Variants in TMPRSS9 observed in about 807,000 individuals in gnomAD.
TMPRSS9 encodes transmembrane serine protease 9.
Under a neutral mutation model 111.4 loss-of-function variants are expected in TMPRSS9, and 113 were observed. The observed-to-expected ratio is 1.01, with a 90% CI of 0.87 to 1.19. The LOEUF is 1.19. Among genes scored for constraint, TMPRSS9 ranks in the 50% most tolerant of loss-of-function variants. TMPRSS9 has a pLI of 0.00. For synonymous variants in TMPRSS9, 805 were observed against 659.1 expected, an observed-to-expected ratio of 1.22 and a Z score of -3.39; for missense variants, 1,803 against 1,513.1, an observed-to-expected ratio of 1.19 and a Z score of -3.18.
chr19:2,396,289 T>A, intron 1 of TMPRSS9: 1 of 434,998 alleles, frequency 2.3e-6, no homozygotes, highest in Non-Finnish European at 4.1e-6. Flanking sequence ...CACCTTGTGC[T>A]GTACCTGGGG....
chr19:2,407,570 T>C (rs887571063), intron 7 of TMPRSS9, among the ~76,000 whole-genome samples: 1 of 148,948 alleles, frequency 6.7e-6, no homozygotes, highest in South Asian at 2.1e-4. Flanking sequence ...TCATGCATCA[T>C]GCATTCTCCT....
intron 1 of TMPRSS9, among the ~76,000 whole-genome samples, chr19:2,364,641 C>T (rs538197203): frequency 2.4e-4 from 36 of 152,168 alleles, no homozygotes; most frequent in Non-Finnish European, 4.6e-4. Context: ...CCCCGCACAC[C>T]CACCTTCCAC....
At position 2,397,765 on chromosome 19, in the gene TMPRSS9, C is replaced by G. The variant is rs542252051; in HGVS notation, c.271-1030C>G. Among the ~76,000 whole-genome samples the G allele has an allele frequency of 2.0e-3, 301 of 151,536 alleles. 1 individual carries two copies. The highest frequency in any genetic ancestry group is 6.9e-3 in the African/African-American group (286 of 41,392). On this transcript the variant is annotated intron_variant, in intron 2 of 17. Transcript: ENST00000648592. ...CAAAATCCCACCATTAGTAAAAACACAAAAATTAGCGGGGCGTGGTGGTGT... is the reference window on the plus strand; with the variant it reads ...CAAAATCCCACCATTAGTAAAAACAGAAAAATTAGCGGGGCGTGGTGGTGT...
At chr19:2,418,195 C>T (rs1035144922) in intron 13 of TMPRSS9, 57 bp downstream of exon 14, 1 of 1,602,790 alleles carries the variant, frequency 6.2e-7, no homozygotes, top group African/African-American at 1.4e-5. Context: ...CACAGCCGTT[C>T]ACCCAGCAGT....
At chr19:2,384,930 T>C (rs113960652), upstream of TMPRSS9, among the ~76,000 whole-genome samples, 11,353 of 141,910 alleles carry the variant, frequency 0.08, 668 homozygotes, top group Non-Finnish European at 0.12. Flanking sequence ...TGCAGTGAGC[T>C]GAGATCATGC....
chr19:2,421,749 C>G lies in TMPRSS9; in HGVS notation c.2155-105C>G, dbSNP rs73918165. The G allele has an allele frequency of 0.012, 15,827 of 1,327,426 alleles. 1,518 individuals carry two copies. The African/African-American group carries it at 0.2, about 17-fold the overall frequency. The allele number at this position is 1,327,426 out of a possible 1,614,324, so 82.2% of individuals were successfully genotyped here. A position where few individuals can be genotyped will look rare whatever the true frequency, so the allele number is the denominator to read the frequency against. On this transcript the variant is annotated intron_variant, in intron 13 of 17. Transcript: ENST00000648592. The stretch of plus-strand genomic sequence containing the variant: ...GACCCGCGCTGTGCCCTCTGCCCCC[C>G]GCCCTCGATGGCTCCCACCCACTGT...
chr19:2,375,561 A>C (rs1461190718), intron 1 of TMPRSS9, among the ~76,000 whole-genome samples: 1 of 151,356 alleles, frequency 6.6e-6, no homozygotes, highest in Non-Finnish European at 1.5e-5. Context: ...AGGGGTGGGA[A>C]CTGTGATTGG....
chr19:2,379,103 C>G lies in TMPRSS9; in HGVS notation c.-25-10658C>G, dbSNP rs193103172. Among the ~76,000 whole-genome samples, 19 of 150,968 alleles carry G rather than the reference C, an allele frequency of 1.3e-4. 2 individuals carry two copies. Among genetic ancestry groups the G allele is most frequent in the Admixed American group, 1.1e-3 (16 of 15,070 alleles). ...AGGGAGAAGTCAAGAATGTAGGTGG[C>G]AAAACTTTCTAAATGTGCTTGATGT... On this transcript the variant is annotated intron_variant, in intron 1 of 17. Coordinates refer to the TMPRSS9 transcript ENST00000649857.
At chr19:2,364,272 C>T (rs566259338) in intron 1 of TMPRSS9, among the ~76,000 whole-genome samples, 1 of 152,160 alleles carries the variant, frequency 6.6e-6, no homozygotes, top group Non-Finnish European at 1.5e-5. Flanking sequence ...CTGAGGCGAA[C>T]CTTGGGGTTT....
intron 15 of TMPRSS9, 34 bp from the exon 17 acceptor site, chr19:2,424,968 C>T (rs1260360621): frequency 4.1e-6 from 6 of 1,448,706 alleles, no homozygotes; most frequent in Middle Eastern, 2.3e-4. Flanking sequence ...GGCGTGGGGG[C>T]TCGGGCCGAC....
chr19:2,385,896 C>A (rs1197645423), upstream of TMPRSS9, among the ~76,000 whole-genome samples: 2 of 151,958 alleles, frequency 1.3e-5, no homozygotes, highest in Non-Finnish European at 2.9e-5. Flanking sequence ...GGTCAGGAAA[C>A]AACATCCTGT....
At chr19:2,393,507 G>C (rs1435962718) in intron 1 of TMPRSS9, among the ~76,000 whole-genome samples, 1 of 152,204 alleles carries the variant, frequency 6.6e-6, no homozygotes, top group African/African-American at 2.4e-5. Flanking sequence ...CACTCAGCGT[G>C]AGGATCCGCA....
intron 1 of TMPRSS9, among the ~76,000 whole-genome samples, chr19:2,362,195 T>C (rs1970205970): frequency 6.6e-6 from 1 of 152,000 alleles, no homozygotes. Flanking sequence ...TGCGTGATTG[T>C]GTATGGTTGT....
chr19:2,380,690 T>C (rs12463037), intron 1 of TMPRSS9, among the ~76,000 whole-genome samples: 68,770 of 151,616 alleles, frequency 0.45, 16,394 homozygotes, highest in East Asian at 0.6. Flanking sequence ...CCTCATGAGA[T>C]GCTGAGCAGA....
At chr19:2,424,102 G>T in exon 15 of TMPRSS9, 2 of 1,308,072 alleles carry the variant, frequency 1.5e-6, no homozygotes, top group Non-Finnish European at 1.9e-6. Context: ...GTGGCCTGGC[G>T]CCGGCCGCGC....
At chr19:2,362,284 G>C (rs1864444635) in intron 1 of TMPRSS9, among the ~76,000 whole-genome samples, 1 of 152,080 alleles carries the variant, frequency 6.6e-6, no homozygotes, top group South Asian at 2.1e-4. Flanking sequence ...GTGTGGTCAT[G>C]TGTGGTTGCG....
chr19:2,389,634 C>T (rs1023702269), upstream of TMPRSS9: 47 of 887,688 alleles, frequency 5.3e-5, no homozygotes, highest in Admixed American at 4.9e-4. Flanking sequence ...TCCCAAAGTG[C>T]TGGGATGACA....
chr19:2,408,556 C>G, exon 8 of TMPRSS9: 1 of 1,613,618 alleles, frequency 6.2e-7, no homozygotes, highest in Non-Finnish European at 8.5e-7. Context: ...GTGTGCCTCC[C>G]GGCTGCCACA....
chr19:2,394,235 C>A (rs1025757007), intron 1 of TMPRSS9, among the ~76,000 whole-genome samples: 1 of 126,668 alleles, frequency 7.9e-6, no homozygotes, highest in Non-Finnish European at 1.7e-5. Flanking sequence ...GCTAGCCAGC[C>A]AGGCGTGATA....
Sources: gnomAD v4.1 joint callset for allele counts (sites outside exome capture counted in the v4.1 genomes callset) on GRCh38, gnomAD v4.1.1 for gene constraint, MANE v1.5 for transcripts, NCBI Gene and HGNC (gene_info 2026-07-23, HGNC 2026-07-21) for gene names.